Variants in DNAAF11 observed in about 807,000 individuals in gnomAD.
DNAAF11 encodes dynein axonemal assembly factor 11.
A neutral mutation model predicts 60.8 loss-of-function variants in DNAAF11; 45 were observed. The ratio of observed to expected loss-of-function variants is 0.74; its 90% CI spans 0.58 to 0.95. DNAAF11 has a LOEUF of 0.95. DNAAF11 is among the 40% of genes least tolerant of loss of function. DNAAF11 has a pLI of 0.00. For missense variants in DNAAF11, 546 were observed against 546.2 expected, an observed-to-expected ratio of 1.00 and a Z score of 0.00; for synonymous variants, 191 against 183.5, an observed-to-expected ratio of 1.04 and a Z score of -0.33.
intron 1 of DNAAF11, among the ~76,000 whole-genome samples, chr8:132,674,160 A>AAGGAGG (rs1554613110): frequency 2.6e-5 from 1 of 38,916 alleles, no homozygotes; most frequent in African/African-American, 1.0e-4. Context: ...GGAGGAGGAG[A>AAGGAGG]AGGAGAAGGA....
rs114908990 is a variant in DNAAF11 at position 132,638,793 on chromosome 8, C to T, written c.257-686G>A. ...CATCCACCTTCATTACAGAGATAGC[C>T]AGATGCTATAGAAACTTGAATGGAA... On this transcript the variant is annotated intron_variant, in intron 3 of 11. Transcript: ENST00000620350. Among the ~76,000 whole-genome samples the T allele has an allele frequency of 2.3e-3, 357 of 152,268 alleles. 2 individuals are homozygous for T. Among genetic ancestry groups the T allele is most frequent in the African/African-American group, 8.5e-3 (352 of 41,540 alleles).
chr8:132,656,862 A>C lies in DNAAF11; in HGVS notation c.224T>G (p.Leu75Ter). 1 of 1,377,822 alleles carries C rather than the reference A, an allele frequency of 7.3e-7. No individual in the cohort carries two copies. The highest frequency in any genetic ancestry group is 1.0e-6 in the Non-Finnish European group (1 of 981,816). 85.3% of individuals were successfully genotyped at this position (1,377,822 alleles called of 1,614,324 possible). Residue 75 changes from leucine (L) to a stop codon, truncating the protein, a stop_gained, in exon 3 of 12, where the codon TTA (leucine) becomes TGA (stop). Transcript: ENST00000620350. LOFTEE classifies it high-confidence loss of function. ...LKKLEYLNLALNNIEKIENLE... is the reference protein window; with the variant it reads ...LKKLEYLNLA The stretch of plus-strand genomic sequence containing the variant: ...GTTTTCTATTTTTTCAATGTTGTTT[A>C]AAGCTAAATTCAAATATTCAAGTTT...
At chr8:132,586,136 G>C (rs897418471) in intron 10 of DNAAF11, among the ~76,000 whole-genome samples, 1 of 152,212 alleles carries the variant, frequency 6.6e-6, no homozygotes, top group African/African-American at 2.4e-5. Context: ...TAGAGAAGGA[G>C]AGAGAGAACG....
chr8:132,634,405 G>A (rs1240024621), intron 4 of DNAAF11, among the ~76,000 whole-genome samples: 1 of 152,122 alleles, frequency 6.6e-6, no homozygotes, highest in Non-Finnish European at 1.5e-5. Context: ...TGGCCATACA[G>A]TCACAGGTTT....
the DNAAF11 span, among the ~76,000 whole-genome samples, chr8:132,684,561 C>T: frequency 6.6e-6 from 1 of 152,322 alleles, no homozygotes; most frequent in East Asian, 1.9e-4. Flanking sequence ...TGGAAAATCC[C>T]CAACCTAAGA....
At chr8:132,606,897 C>A (rs1818195787) in intron 10 of DNAAF11, among the ~76,000 whole-genome samples, 1 of 152,062 alleles carries the variant, frequency 6.6e-6, no homozygotes. Flanking sequence ...GGGTTTTAAG[C>A]TAAGTGTTAT....
intron 4 of DNAAF11, among the ~76,000 whole-genome samples, chr8:132,635,631 A>G (rs1821220752): frequency 6.6e-6 from 1 of 152,160 alleles, no homozygotes; most frequent in South Asian, 2.1e-4. Context: ...ACAAAAAAAG[A>G]TGTTGAAGTC....
intron 11 of DNAAF11, among the ~76,000 whole-genome samples, chr8:132,580,917 A>T (rs1815259873): frequency 6.6e-6 from 1 of 152,228 alleles, no homozygotes; most frequent in Admixed American, 6.5e-5. Context: ...AGGTGAGAAG[A>T]CATTTCCTAC....
rs1563729272 is a variant in DNAAF11, at chr8:132,675,472, A to T, written c.10+12T>A. The T allele has an allele frequency of 2.6e-6, 4 of 1,564,480 alleles. No homozygotes were observed. The highest frequency in any genetic ancestry group is 3.5e-6 in the Non-Finnish European group (4 of 1,152,114). Reference sequence around the variant, plus strand: ...GGGAACGATCGAGGACGGAAGGTGGAGGGGGGCTTACTCCAGCCCATGGCG... The same window carrying T: ...GGGAACGATCGAGGACGGAAGGTGGTGGGGGGCTTACTCCAGCCCATGGCG... On this transcript the variant is annotated intron_variant, in intron 1 of 11. Coordinates refer to ENST00000620350, the MANE Select transcript of DNAAF11 (RefSeq NM_012472.6).
At chr8:132,619,372 G>A (rs1021748400) in intron 7 of DNAAF11, among the ~76,000 whole-genome samples, 46 of 151,936 alleles carry the variant, frequency 3.0e-4, no homozygotes, top group African/African-American at 1.0e-3. Context: ...TGGGTGCAGC[G>A]CACCAGCATG....
At chr8:132,659,261 A>G (rs1041308540) in intron 2 of DNAAF11, among the ~76,000 whole-genome samples, 3 of 152,174 alleles carry the variant, frequency 2.0e-5, no homozygotes, top group Non-Finnish European at 4.4e-5. Context: ...TTGCTTCACA[A>G]ACTTCTACCT....
At chr8:132,653,040 G>A (rs1466697402) in intron 3 of DNAAF11, among the ~76,000 whole-genome samples, 1 of 152,114 alleles carries the variant, frequency 6.6e-6, no homozygotes, top group African/African-American at 2.4e-5. Context: ...CTTGAATCTG[G>A]TGAAATGTTT....
At chr8:132,614,411 C>A (rs187006930) in intron 8 of DNAAF11, among the ~76,000 whole-genome samples, 1 of 152,280 alleles carries the variant, frequency 6.6e-6, no homozygotes, top group African/African-American at 2.4e-5. Flanking sequence ...GGCAGAGTGA[C>A]CTGCTGCCTT....
chr8:132,674,015 G>A (rs1346695295), intron 1 of DNAAF11, among the ~76,000 whole-genome samples: 1 of 152,030 alleles, frequency 6.6e-6, no homozygotes, highest in Admixed American at 6.6e-5. Flanking sequence ...AGAAGGAGAA[G>A]GAGGAGAAGG....
At chr8:132,625,969 C>A (rs1820231935) in intron 5 of DNAAF11, among the ~76,000 whole-genome samples, 1 of 152,298 alleles carries the variant, frequency 6.6e-6, no homozygotes, top group Admixed American at 6.5e-5. Context: ...TTCTAGCAGG[C>A]AAATTGGATC....
intron 9 of DNAAF11, among the ~76,000 whole-genome samples, chr8:132,610,938 A>G (rs1264403758): frequency 2.0e-5 from 3 of 152,128 alleles, no homozygotes. Context: ...CCAATAGCCC[A>G]GGCTGGAGTG....
chr8:132,621,928 C>T (rs887798793), intron 7 of DNAAF11, among the ~76,000 whole-genome samples: 2 of 152,108 alleles, frequency 1.3e-5, no homozygotes, highest in South Asian at 4.1e-4. Flanking sequence ...CAGGATTGTA[C>T]CTTCACCATG....
intron 4 of DNAAF11, 62 bp from the exon 5 acceptor site, chr8:132,633,025 G>C: frequency 3.6e-6 from 4 of 1,099,946 alleles, no homozygotes; most frequent in Non-Finnish European, 5.4e-6. Flanking sequence ...ATCAGCCCCA[G>C]GTTGATTTTG....
Position 132,571,429 on chromosome 8 carries a change from T to TA in DNAAF11, c.*876dup, listed in dbSNP as rs1042114482. On this transcript the variant is annotated 3_prime_UTR_variant, in exon 12 of 12. Transcript: ENST00000620350. ...AATATTGAATTCATAATGTTCTAGA[T>TA]AAAGAAGAGGTAGGATATTAAAAAA... Among the ~76,000 whole-genome samples the TA allele has an allele frequency of 7.3e-5, 11 of 151,604 alleles. No individual in the cohort carries two copies. The highest frequency in any genetic ancestry group is 2.7e-4 in the African/African-American group (11 of 41,188).
Sources: gnomAD v4.1 joint callset for allele counts (sites outside exome capture counted in the v4.1 genomes callset) on GRCh38, gnomAD v4.1.1 for gene constraint, MANE v1.5 for transcripts, NCBI Gene and HGNC (gene_info 2026-07-23, HGNC 2026-07-21) for gene names.